The following LRRK2 variants were observed in gnomAD, a reference collection of about 807,000 sequenced individuals.
LRRK2 encodes leucine rich repeat kinase 2, also known as leucine-rich repeat serine/threonine-protein kinase 2.
Under a neutral mutation model 302.6 loss-of-function variants are expected in LRRK2, and 203 were observed. The ratio of observed to expected loss-of-function variants is 0.67; its 90% CI spans 0.60 to 0.75. LRRK2 has a LOEUF of 0.75. LRRK2 is among the 30% of genes least tolerant of loss of function. The pLI, the probability that LRRK2 is intolerant of heterozygous loss-of-function variation, is 0.00. For missense variants in LRRK2, 2,830 were observed against 2,951.0 expected (o/e 0.96, Z 0.95); for synonymous variants, 1,066 against 1,031.9 (o/e 1.03, Z -0.63).
chr12:40,357,573 A>G (rs1340335313), intron 46 of LRRK2, among the ~76,000 whole-genome samples: 1 of 152,068 alleles, frequency 6.6e-6, no homozygotes, highest in Non-Finnish European at 1.5e-5. Context: ...GCATATGGGC[A>G]TTCGTTTTTT....
intron 47 of LRRK2, among the ~76,000 whole-genome samples, chr12:40,362,404 C>T (rs1039152245): frequency 1.3e-5 from 2 of 152,028 alleles, no homozygotes; most frequent in Non-Finnish European, 2.9e-5. Flanking sequence ...TTCATTCATA[C>T]TGTAGTGCCT....
chr12:40,338,749 G>A (rs1945949178), intron 40 of LRRK2, among the ~76,000 whole-genome samples: 1 of 152,146 alleles, frequency 6.6e-6, no homozygotes, highest in African/African-American at 2.4e-5. Flanking sequence ...GAAAGAGTCT[G>A]TGTTCTATAA....
In LRRK2 at chr12:40,321,082, T is replaced by C. The variant is rs749567767; in HGVS notation, c.5064T>C (p.Ser1688=). 9 of 1,612,842 alleles carry C rather than the reference T, an allele frequency of 5.6e-6. No individual in the cohort carries two copies. The Admixed American group carries it at 1.0e-4, about 18-fold the overall frequency. Residue 1688 remains serine, a synonymous_variant, in exon 35 of 51, where the codon TCT becomes TCC. Transcript: ENST00000298910. ...TAGAGCTTCCCCATTGTGAGAACTC[T>C]GAAATTATCATCCGACTATATGAAA... ...PVIELPHCEN[S]EIIIRLYEMP... is the part of the protein sequence containing the mutation.
chr12:40,268,402 T>C (rs1943106539), intron 14 of LRRK2, among the ~76,000 whole-genome samples: 1 of 152,024 alleles, frequency 6.6e-6, no homozygotes, highest in Non-Finnish European at 1.5e-5. Flanking sequence ...AAAACAGAGC[T>C]CATCTGCAAA....
chr12:40,345,784 C>T (rs1485247299), intron 41 of LRRK2, among the ~76,000 whole-genome samples: 1 of 151,926 alleles, frequency 6.6e-6, no homozygotes, highest in African/African-American at 2.4e-5. Flanking sequence ...TTGTAGACAT[C>T]ATGCCATATC....
In LRRK2 at chr12:40,310,615, G is replaced by A. The variant is rs904409907; in HGVS notation, c.4502G>A (p.Arg1501Gln). Reference protein sequence around the residue: ...TEESDALAKLRKTIINESLNF... With the variant: ...TEESDALAKLQKTIINESLNF... ...GAATCTGATGCTTTGGCAAAACTTC[G>A]GAAAACCATCATAAACGAGAGCCTT... is the stretch of plus-strand genomic sequence containing the variant. The change falls in exon 31 of 51, where the codon CGG (arginine) becomes CAG (glutamine). Residue 1501 changes from arginine to glutamine, a missense_variant. By Grantham distance (43) the Arg-to-Gln change is conservative. Transcript: ENST00000298910. 1.2e-5 allele frequency: 20 copies of A among 1,612,010 alleles called. No homozygotes were observed. Among genetic ancestry groups the A allele is most frequent in the African/African-American group, 5.4e-5 (4 of 74,256 alleles).
intron 14 of LRRK2, among the ~76,000 whole-genome samples, chr12:40,265,648 CCACCCAGGGGTG>C (rs1215861467): frequency 6.6e-6 from 1 of 152,122 alleles, no homozygotes; most frequent in African/African-American, 2.4e-5. Context: ...TCTGAAATCT[CCACCCAGGGGTG>C]TGTGTTTTAC....
intron 14 of LRRK2, among the ~76,000 whole-genome samples, chr12:40,272,129 G>A (rs1177365129): frequency 1.3e-5 from 2 of 152,182 alleles, no homozygotes; most frequent in Non-Finnish European, 2.9e-5. Context: ...GATTTTACAA[G>A]GGTGACAACA....
chr12:40,346,876 A>C lies in LRRK2; in HGVS notation c.6233A>C (p.Lys2078Thr). ...TTGGRIVEGL[K>T]FPNEFDELEI... ...GGAGGTAGAATAGTAGAGGGTTTGA[A>C]GTTTCCAAATGAGTTTGATGAATTA... is the stretch of plus-strand genomic sequence containing the variant. Residue 2078 changes from lysine (K) to threonine (T), a missense_variant, in exon 42 of 51, where the codon AAG (lysine) becomes ACG (threonine). Physicochemically the swap from Lys to Thr is moderately conservative, Grantham distance 78. Coordinates refer to ENST00000298910, the MANE Select transcript of LRRK2 (RefSeq NM_198578.4). 1 of 1,613,624 alleles carries C rather than the reference A, an allele frequency of 6.2e-7. No homozygotes were observed. Among genetic ancestry groups the C allele is most frequent in the Non-Finnish European group, 8.5e-7 (1 of 1,179,824 alleles).
chr12:40,247,505 C>CATACAA (rs1942040109), intron 7 of LRRK2, among the ~76,000 whole-genome samples: 2 of 135,594 alleles, frequency 1.5e-5, no homozygotes, highest in Admixed American at 7.6e-5. Context: ...TATATTTACA[C>CATACAA]ATGTATATAA....
intron 31 of LRRK2, among the ~76,000 whole-genome samples, chr12:40,312,012 C>T (rs551145550): frequency 2.6e-4 from 40 of 151,202 alleles, no homozygotes; most frequent in Non-Finnish European, 3.7e-4. Flanking sequence ...TTTGTTGTTA[C>T]TGAGAATATT....
chr12:40,245,161 C>A (rs1941923721), intron 7 of LRRK2, among the ~76,000 whole-genome samples: 1 of 151,898 alleles, frequency 6.6e-6, no homozygotes, highest in Non-Finnish European at 1.5e-5. Flanking sequence ...TGTCCTTTCC[C>A]TAAGATAATA....
chr12:40,275,609 G>A (rs1943419744), intron 16 of LRRK2, among the ~76,000 whole-genome samples: 2 of 151,610 alleles, frequency 1.3e-5, no homozygotes, highest in South Asian at 4.2e-4. Flanking sequence ...AAACTACAAA[G>A]GAATTTTTTT....
intron 31 of LRRK2, among the ~76,000 whole-genome samples, chr12:40,311,873 C>A (rs561838698): frequency 6.6e-6 from 1 of 152,122 alleles, no homozygotes; most frequent in East Asian, 1.9e-4. Flanking sequence ...CTTTCCTATT[C>A]TCTTGTTGGA....
chr12:40,265,082 A>G (rs1942951432), intron 14 of LRRK2, among the ~76,000 whole-genome samples: 1 of 152,172 alleles, frequency 6.6e-6, no homozygotes, highest in Admixed American at 6.5e-5. Context: ...TTTAAATTGA[A>G]CTTTATACTG....
At chr12:40,333,729 G>T (rs1306766935) in intron 39 of LRRK2, among the ~76,000 whole-genome samples, 1 of 151,944 alleles carries the variant, frequency 6.6e-6, no homozygotes, top group Non-Finnish European at 1.5e-5. Flanking sequence ...CCTTAGTAAG[G>T]GTGGCCCATG....
intron 39 of LRRK2, among the ~76,000 whole-genome samples, chr12:40,331,561 T>C (rs1164297189): frequency 1.3e-5 from 2 of 151,762 alleles, no homozygotes; most frequent in Non-Finnish European, 2.9e-5. Flanking sequence ...TAAAATACAC[T>C]AACACTAATG....
At chr12:40,325,288 C>T (rs557833648) in intron 38 of LRRK2, among the ~76,000 whole-genome samples, 1 of 152,180 alleles carries the variant, frequency 6.6e-6, no homozygotes, top group East Asian at 1.9e-4. Flanking sequence ...CAAAACAAAA[C>T]AAAACAAAAA....
intron 24 of LRRK2, among the ~76,000 whole-genome samples, chr12:40,298,797 A>AT (rs1358870645): frequency 8.8e-6 from 1 of 113,396 alleles, no homozygotes; most frequent in Non-Finnish European, 1.7e-5. Flanking sequence ...ATATATATAT[A>AT]TAATATATGT....
Sources: allele counts gnomAD v4.1 joint callset (sites outside exome capture counted in the v4.1 genomes callset), GRCh38; gene constraint gnomAD v4.1.1; transcripts MANE v1.5; gene names NCBI Gene and HGNC (gene_info 2026-07-23, HGNC 2026-07-21).